The following CTNNA2 variants were observed in gnomAD, a reference collection of about 807,000 sequenced individuals.
The protein encoded by CTNNA2 is catenin alpha-2.
A neutral mutation model predicts 101.0 loss-of-function variants in CTNNA2; 42 were observed. The ratio of observed to expected loss-of-function variants is 0.42; its 90% CI spans 0.32 to 0.54. CTNNA2 has a LOEUF of 0.54. CTNNA2 is among the 20% of genes least tolerant of loss of function. The pLI is 0.14. For synonymous variants in CTNNA2, 450 were observed against 456.4 expected, an observed-to-expected ratio of 0.99 and a Z score of 0.18; for missense variants, 871 against 1,223.1, an observed-to-expected ratio of 0.71 and a Z score of 4.29.
chr2:80,377,148 G>A (rs1451694984), intron 7 of CTNNA2, among the ~76,000 whole-genome samples: 1 of 152,182 alleles, frequency 6.6e-6, no homozygotes, highest in Non-Finnish European at 1.5e-5. Context: ...AATTTCACAA[G>A]TGTTAAATAT....
At chr2:79,280,790 A>T (rs1250865380) in intron 2 of CTNNA2, among the ~76,000 whole-genome samples, 1 of 151,794 alleles carries the variant, frequency 6.6e-6, no homozygotes, top group Non-Finnish European at 1.5e-5. Flanking sequence ...GTTGGCTAGA[A>T]CATGCTGTGA....
intron 6 of CTNNA2, among the ~76,000 whole-genome samples, chr2:79,908,475 A>AG (rs1685569876): frequency 6.6e-6 from 1 of 152,140 alleles, no homozygotes; most frequent in Admixed American, 6.5e-5. Context: ...TTCCTGCAGC[A>AG]GGTCATTCTA....
chr2:80,527,672 A>G (rs575414917), intron 9 of CTNNA2, among the ~76,000 whole-genome samples: 44 of 152,254 alleles, frequency 2.9e-4, no homozygotes, highest in South Asian at 1.0e-3. Flanking sequence ...AGTCATTGGG[A>G]GAGAGAGGAC....
At chr2:80,538,921 T>A (rs1315455313) in intron 9 of CTNNA2, among the ~76,000 whole-genome samples, 1 of 152,230 alleles carries the variant, frequency 6.6e-6, no homozygotes, top group Non-Finnish European at 1.5e-5. Flanking sequence ...TTTGTAGTTC[T>A]CCTTGAAGAA....
chr2:79,499,660 C>T (rs1304615266), intron 4 of CTNNA2, among the ~76,000 whole-genome samples: 1 of 152,140 alleles, frequency 6.6e-6, no homozygotes, highest in East Asian at 1.9e-4. Context: ...CTCACTCACT[C>T]CACACTGGCT....
At chr2:80,324,433 G>A (rs1301282140) in intron 7 of CTNNA2, among the ~76,000 whole-genome samples, 1 of 152,052 alleles carries the variant, frequency 6.6e-6, no homozygotes, top group Non-Finnish European at 1.5e-5. Context: ...ACCTCTGATC[G>A]TCTCGGGGTT....
At chr2:80,358,949 TG>T (rs1341191504) in intron 7 of CTNNA2, among the ~76,000 whole-genome samples, 1 of 152,142 alleles carries the variant, frequency 6.6e-6, no homozygotes. Flanking sequence ...CTTTTTGCAT[TG>T]GGGTTTCCAT....
intron 7 of CTNNA2, among the ~76,000 whole-genome samples, chr2:80,267,782 A>G (rs937775171): frequency 2.0e-5 from 3 of 152,218 alleles, no homozygotes; most frequent in Non-Finnish European, 4.4e-5. Context: ...TTGTTCTCAG[A>G]TGAGTGGACA....
chr2:79,928,973 T>A (rs1687210776), intron 7 of CTNNA2, among the ~76,000 whole-genome samples: 1 of 152,196 alleles, frequency 6.6e-6, no homozygotes, highest in African/African-American at 2.4e-5. Context: ...AAACACATTA[T>A]TAAAGGGATG....
intron 7 of CTNNA2, among the ~76,000 whole-genome samples, chr2:80,215,709 A>C (rs1708221538): frequency 6.6e-6 from 1 of 152,232 alleles, no homozygotes; most frequent in Non-Finnish European, 1.5e-5. Context: ...CTCAAGGGTC[A>C]GGGACCCACT....
Position 79,249,171 on chromosome 2 carries a change from G to T in CTNNA2, c.-406+51095G>T, listed in dbSNP as rs563636135. Among the ~76,000 whole-genome samples the T allele has an allele frequency of 2.1e-5, 3 of 141,498 alleles. No individual in the cohort carries two copies. In the Admixed American group the frequency reaches 2.3e-4, roughly 11 times the overall value. The allele number at this position is 141,498 out of a possible 152,430, so 92.8% of individuals were successfully genotyped here. A position where few individuals can be genotyped will look rare whatever the true frequency, so the allele number is the denominator to read the frequency against. ...AATATATAGTGGACAGGATTAAATA[G>T]ACACAATGCATGAAAACTCCTGACA... On this transcript the variant is annotated intron_variant, in intron 2 of 21. Transcript: ENST00000466387.
Position 80,053,984 on chromosome 2 carries a change from A to T in CTNNA2, c.1056+144187A>T, listed in dbSNP as rs557582038. Among the ~76,000 whole-genome samples the T allele has an allele frequency of 2.0e-3, 304 of 152,378 alleles. 1 individual carries two copies. The highest frequency in any genetic ancestry group is 2.6e-3 in the Non-Finnish European group (179 of 68,030). The stretch of plus-strand genomic sequence containing the variant: ...TTTTGTTTACAAGTATTCATTTTAC[A>T]GAGTAGCACAACAGGGATAAGTTTA... On this transcript the variant is annotated intron_variant, in intron 7 of 18. Transcript: ENST00000402739.
intron 9 of CTNNA2, among the ~76,000 whole-genome samples, chr2:80,437,990 C>A (rs1363140151): frequency 1.3e-5 from 2 of 151,534 alleles, no homozygotes; most frequent in African/African-American, 4.9e-5. Flanking sequence ...GACTGGGCAA[C>A]AAGAGCAAAA....
At chr2:79,225,811 T>C (rs1281905160) in intron 2 of CTNNA2, among the ~76,000 whole-genome samples, 1 of 152,234 alleles carries the variant, frequency 6.6e-6, no homozygotes, top group African/African-American at 2.4e-5. Context: ...TGCAAACCTA[T>C]GTGCGGCTTT....
intron 3 of CTNNA2, among the ~76,000 whole-genome samples, chr2:79,750,671 G>A (rs1159416985): frequency 3.3e-5 from 5 of 151,994 alleles, no homozygotes; most frequent in Admixed American, 2.0e-4. Flanking sequence ...GACCATCCTG[G>A]CTAACACAGT....
intron 6 of CTNNA2, 42 bp downstream of exon 6, chr2:79,874,384 G>A: frequency 6.4e-7 from 1 of 1,562,108 alleles, no homozygotes. Context: ...GGGCACTGGT[G>A]TTGACAAAAA....
intron 1 of CTNNA2, among the ~76,000 whole-genome samples, chr2:79,591,517 A>G (rs779599101): frequency 6.6e-6 from 1 of 152,194 alleles, no homozygotes; most frequent in Non-Finnish European, 1.5e-5. Context: ...TAATTCTTTA[A>G]CCTTCACATC....
chr2:79,383,943 G>C (rs1678069032), intron 4 of CTNNA2, among the ~76,000 whole-genome samples: 1 of 152,174 alleles, frequency 6.6e-6, no homozygotes, highest in African/African-American at 2.4e-5. Flanking sequence ...AAATAGGACA[G>C]AGAGGGAAAG....
intron 1 of CTNNA2, among the ~76,000 whole-genome samples, chr2:79,606,548 G>T (rs1022851921): frequency 6.6e-6 from 1 of 152,030 alleles, no homozygotes; most frequent in African/African-American, 2.4e-5. Context: ...GATTACAGGC[G>T]TGAGCCACCA....
Sources: allele counts gnomAD v4.1 joint callset (sites outside exome capture counted in the v4.1 genomes callset), GRCh38; gene constraint gnomAD v4.1.1; transcripts MANE v1.5; gene names NCBI Gene and HGNC (gene_info 2026-07-23, HGNC 2026-07-21).